ALDH2: variants seen among roughly 807,000 people sequenced by gnomAD.
ALDH2 encodes the protein aldehyde dehydrogenase 2 family member.
In ALDH2, 44 loss-of-function variants were observed where a neutral mutation model predicts 59.6. That is an observed-to-expected ratio of 0.74 (90% CI 0.58 to 0.95). ALDH2 has a LOEUF of 0.95. ALDH2 is among the 40% of genes least tolerant of loss of function. The pLI, the probability that ALDH2 is intolerant of heterozygous loss-of-function variation, is 0.00. For synonymous variants in ALDH2, 291 were observed against 284.0 expected (o/e 1.02, Z -0.25); for missense variants, 570 against 696.3 (o/e 0.82, Z 2.04).
chr12:111,783,919 C>T (rs542281516), intron 3 of ALDH2, among the ~76,000 whole-genome samples: 8 of 152,220 alleles, frequency 5.3e-5, no homozygotes, highest in South Asian at 4.1e-4. Context: ...ACCTCTCCCT[C>T]GGCCCCTCCA....
Position 111,767,064 on chromosome 12 carries a change from C to T in ALDH2, c.82C>T (p.Pro28Ser). The T allele has an allele frequency of 2.0e-6, 3 of 1,528,976 alleles. No homozygotes were observed. Among genetic ancestry groups the T allele is most frequent in the Non-Finnish European group, 2.6e-6 (3 of 1,144,040 alleles). The allele number at this position is 1,528,976 out of a possible 1,614,324, so 94.7% of individuals were successfully genotyped here. A position where few individuals can be genotyped will look rare whatever the true frequency, so the allele number is the denominator to read the frequency against. The change falls in exon 1 of 13, where the codon CCC becomes TCC. Residue 28 changes from proline (P) to serine (S), a missense_variant. Pro to Ser is a moderately conservative substitution (Grantham distance 74). Coordinates refer to ENST00000261733, the MANE Select transcript of ALDH2 (RefSeq NM_000690.4). ...CGCCGCCACCCAGGCCGTGCCTGCCCCCAACCAGCAGCCCGAGGTCTTCTG... is the reference window on the plus strand; with the variant it reads ...CGCCGCCACCCAGGCCGTGCCTGCCTCCAACCAGCAGCCCGAGGTCTTCTG... ...SAAATQAVPA[P>S]NQQPEVFCNQ...
intron 1 of ALDH2, among the ~76,000 whole-genome samples, chr12:111,767,636 C>A (rs1036529522): frequency 1.3e-5 from 2 of 152,228 alleles, no homozygotes; most frequent in African/African-American, 4.8e-5. Flanking sequence ...TCCTGGAGGA[C>A]CTTCGGCCCC....
chr12:111,799,708 A>G (rs1454143578), intron 10 of ALDH2, 198 bp from the exon 11 acceptor site: 2 of 534,574 alleles, frequency 3.7e-6, no homozygotes, highest in Non-Finnish European at 3.2e-6. Context: ...CCCGGGGCGC[A>G]CAGGAGGAAG....
chr12:111,798,284 G>A, intron 10 of ALDH2, 42 bp downstream of exon 10: 2 of 1,518,402 alleles, frequency 1.3e-6, no homozygotes, highest in African/African-American at 1.4e-5. Flanking sequence ...TTCTTGGCGG[G>A]AGGTGAGGTA....
intron 4 of ALDH2, among the ~76,000 whole-genome samples, chr12:111,785,703 G>T (rs1011149066): frequency 2.0e-5 from 3 of 152,088 alleles, no homozygotes; most frequent in African/African-American, 7.2e-5. Flanking sequence ...CAGCCTAGGT[G>T]ACAGAGTGAG....
At chr12:111,799,725 C>G (rs2068433576) in intron 10 of ALDH2, 181 bp from the exon 11 acceptor site, 1 of 638,256 alleles carries the variant, frequency 1.6e-6, no homozygotes, top group African/African-American at 1.8e-5. Flanking sequence ...GAAGTTGGCC[C>G]CTGTTAGCTC....
Position 111,802,858 on chromosome 12 carries a change from C to T in ALDH2, c.1407-1001C>T, listed in dbSNP as rs181557494. Among the ~76,000 whole-genome samples the T allele has an allele frequency of 4.8e-3, 657 of 135,506 alleles. 6 individuals carry two copies. The highest frequency in any genetic ancestry group is 0.017 in the African/African-American group (599 of 35,692). 88.9% of individuals were successfully genotyped at this position (135,506 alleles called of 152,430 possible). On this transcript the variant is annotated intron_variant, in intron 11 of 12. Transcript: ENST00000261733. ...TCGCACCACTGCACTCCAGCCAGGG[C>T]GACGGAGCGAGACTCTGTCTCAAAA... is the stretch of plus-strand genomic sequence containing the variant.
intron 9 of ALDH2, among the ~76,000 whole-genome samples, chr12:111,797,508 G>T (rs575860861): frequency 6.6e-6 from 1 of 152,030 alleles, no homozygotes; most frequent in African/African-American, 2.4e-5. Flanking sequence ...GGCTGAGGTG[G>T]GAGGATCATT....
intron 2 of ALDH2, 90 bp from the exon 3 acceptor site, chr12:111,783,068 G>A (rs2068284651): frequency 3.3e-6 from 5 of 1,506,760 alleles, no homozygotes; most frequent in East Asian, 2.3e-5. Flanking sequence ...ATATGCTGAT[G>A]ACCTTCTGGA....
At chr12:111,807,173 G>T (rs1415785003) in intron 12 of ALDH2, among the ~76,000 whole-genome samples, 1 of 152,068 alleles carries the variant, frequency 6.6e-6, no homozygotes, top group African/African-American at 2.4e-5. Flanking sequence ...TGAGGCAGGA[G>T]AATGGTGTGA....
intron 1 of ALDH2, among the ~76,000 whole-genome samples, chr12:111,769,641 AT>A (rs1214769657): frequency 2.0e-5 from 3 of 151,712 alleles, no homozygotes; most frequent in Non-Finnish European, 4.4e-5. Context: ...TCACTGAACA[AT>A]GTACCTGGGT....
intron 4 of ALDH2, 103 bp downstream of exon 4, chr12:111,785,449 C>T (rs2068302599): frequency 2.2e-5 from 22 of 993,168 alleles, no homozygotes; most frequent in Non-Finnish European, 3.0e-5. Flanking sequence ...AGGGGCAGAG[C>T]GCGGTATCTC....
chr12:111,793,177 T>G lies in ALDH2; in HGVS notation c.1083+395T>G, dbSNP rs146891659. The stretch of plus-strand genomic sequence containing the variant: ...GTATGGCTAGTATAGGGACTTTATT[T>G]CACTTCATGTTTTGAGCTGTTTGAT... On this transcript the variant is annotated intron_variant, in intron 9 of 12. Coordinates refer to ENST00000261733, the MANE Select transcript of ALDH2 (RefSeq NM_000690.4). 4.7e-3 allele frequency among the ~76,000 whole-genome samples: 709 copies of G among 152,254 alleles called. 7 individuals carry two copies. The highest frequency in any genetic ancestry group is 0.016 in the African/African-American group (648 of 41,520).
rs879591727 is a variant in ALDH2, at chr12:111,776,698, A to AT, written c.115-5206dup. Among the ~76,000 whole-genome samples, 865 of 146,036 alleles carry AT rather than the reference A, an allele frequency of 5.9e-3. 8 individuals are homozygous for AT. The highest frequency in any genetic ancestry group is 0.04 in the Middle Eastern group (11 of 278). ...TGCTTTTTACAACATTCAGAATAAA[A>AT]TTTTTTTTTTTTTTGAGACTCTGTT... On this transcript the variant is annotated intron_variant, in intron 1 of 12. Transcript: ENST00000261733.
At position 111,809,809 on chromosome 12, in the gene ALDH2, G is replaced by A. The variant is rs1399559305; in HGVS notation, c.*234G>A. On this transcript the variant is annotated 3_prime_UTR_variant, in exon 13 of 13. Coordinates refer to ENST00000261733, the MANE Select transcript of ALDH2 (RefSeq NM_000690.4). ...CAACAATACTGCTAGCTTTCAGGATGATTTTTAAAAAATAGATTCAAATGT... is the reference window on the plus strand; with the variant it reads ...CAACAATACTGCTAGCTTTCAGGATAATTTTTAAAAAATAGATTCAAATGT... The A allele has an allele frequency of 1.8e-6, 1 of 562,106 alleles. No homozygotes were observed. The highest frequency in any genetic ancestry group is 3.0e-5 in the East Asian group (1 of 33,632). 34.8% of individuals were successfully genotyped at this position (562,106 alleles called of 1,614,324 possible).
intron 4 of ALDH2, among the ~76,000 whole-genome samples, chr12:111,787,760 G>A (rs992983483): frequency 6.6e-6 from 1 of 152,026 alleles, no homozygotes; most frequent in African/African-American, 2.4e-5. Flanking sequence ...GGCTGTGCGC[G>A]GTGGCTCATG....
At chr12:111,773,165 G>A (rs1196721681) in intron 1 of ALDH2, among the ~76,000 whole-genome samples, 2 of 152,048 alleles carry the variant, frequency 1.3e-5, no homozygotes, top group Non-Finnish European at 2.9e-5. Flanking sequence ...CAGGAGAAAC[G>A]CTTGAACCCA....
intron 1 of ALDH2, among the ~76,000 whole-genome samples, chr12:111,767,943 C>G (rs759838792): frequency 5.9e-5 from 9 of 152,220 alleles, no homozygotes; most frequent in Non-Finnish European, 1.2e-4. Flanking sequence ...TAGGTTCACA[C>G]AGGCCCTCAT....
rs751006312 is a variant in ALDH2 at position 111,783,265 on chromosome 12, C to T, written c.327C>T (p.Ala109=). The change falls in exon 3 of 13, where the codon GCC becomes GCT. Residue 109 remains alanine, a synonymous_variant. Transcript: ENST00000261733. ...SHRGRLLNRL[A]DLIERDRTYL... is the part of the protein sequence containing the mutation. Reference sequence around the variant, plus strand: ...GGGGCCGGCTGCTGAACCGCCTGGCCGATCTGATCGAGCGGGACCGGACCT... The same window carrying T: ...GGGGCCGGCTGCTGAACCGCCTGGCTGATCTGATCGAGCGGGACCGGACCT... 93 of 1,612,400 alleles carry T rather than the reference C, an allele frequency of 5.8e-5. No homozygotes were observed. The highest frequency in any genetic ancestry group is 7.7e-5 in the South Asian group (7 of 90,732).
Sources: gnomAD v4.1 joint callset for allele counts (sites outside exome capture counted in the v4.1 genomes callset) on GRCh38, gnomAD v4.1.1 for gene constraint, MANE v1.5 for transcripts, NCBI Gene and HGNC (gene_info 2026-07-23, HGNC 2026-07-21) for gene names.